MYOT: variants seen among roughly 807,000 people sequenced by gnomAD.
The protein encoded by MYOT is myotilin, also known as 57 kDa cytoskeletal protein.
Under a neutral mutation model 58.0 loss-of-function variants are expected in MYOT, and 36 were observed. The observed-to-expected ratio is 0.62, with a 90% CI of 0.48 to 0.82. The LOEUF (loss-of-function observed/expected upper bound fraction) is 0.82. Among genes scored for constraint, MYOT ranks in the 40% least tolerant of loss-of-function variants. The pLI is 0.00. For synonymous variants in MYOT, 218 were observed against 204.6 expected, an observed-to-expected ratio of 1.07 and a Z score of -0.56; for missense variants, 505 against 592.1, an observed-to-expected ratio of 0.85 and a Z score of 1.53.
Position 137,887,313 on chromosome 5 carries a change from A to G in MYOT, c.1425A>G (p.Gln475=). 6.2e-7 allele frequency: 1 copy of G among 1,614,102 alleles called. No homozygotes were observed. Among genetic ancestry groups the G allele is most frequent in the East Asian group, 2.2e-5 (1 of 44,858 alleles). The part of the protein sequence containing the change: ...ALNGKGLNVK[Q]AFNPEGEFQR... ...ATGGGAAAGGTTTGAATGTAAAACA[A>G]GCTTTTAACCCAGAAGGAGAATTTC... The change falls in exon 10 of 10, where the codon CAA becomes CAG. Residue 475 remains glutamine, a synonymous_variant. Transcript: ENST00000239926.
At chr5:137,880,376 G>C (rs1755387358) in intron 4 of MYOT, among the ~76,000 whole-genome samples, 1 of 152,180 alleles carries the variant, frequency 6.6e-6, no homozygotes, top group Non-Finnish European at 1.5e-5. Flanking sequence ...TCTAATATGT[G>C]TTTACTGCTG....
intron 4 of MYOT, among the ~76,000 whole-genome samples, chr5:137,879,089 C>T (rs1755328094): frequency 6.6e-6 from 1 of 152,046 alleles, no homozygotes; most frequent in Non-Finnish European, 1.5e-5. Flanking sequence ...GTGCGCACAC[C>T]GTGCTGGCTA....
Position 137,880,873 on chromosome 5 carries a change from A to G in MYOT, c.683+8A>G. On this transcript the variant is annotated splice_region_variant and intron_variant, in intron 5 of 9. Coordinates refer to ENST00000239926, the MANE Select transcript of MYOT (RefSeq NM_006790.3). ...TCCTACATCACAAGTAAGGTAAAAA[A>G]TTTTAATTTTAAAGAAATGTATGTT... The G allele has an allele frequency of 1.3e-6, 2 of 1,577,284 alleles. No individual in the cohort carries two copies. The highest frequency in any genetic ancestry group is 1.7e-6 in the Non-Finnish European group (2 of 1,148,964).
At position 137,882,875 on chromosome 5, in the gene MYOT, C is replaced by T. The variant is rs539118476; in HGVS notation, c.817-509C>T. On this transcript the variant is annotated intron_variant, in intron 6 of 9. Transcript: ENST00000239926. Reference sequence around the variant, plus strand: ...ATTTTTTTTCCAGATTCCTTATGAACTCAAGTTAGTGTTAAAGCTTTGGAT... The same window carrying T: ...ATTTTTTTTCCAGATTCCTTATGAATTCAAGTTAGTGTTAAAGCTTTGGAT... 9.9e-4 allele frequency: 153 copies of T among 155,194 alleles called. 2 individuals carry two copies. The highest frequency in any genetic ancestry group is 1.8e-3 in the Non-Finnish European group (127 of 70,152). The allele number at this position is 155,194 out of a possible 1,614,324, so 9.6% of individuals were successfully genotyped here.
intron 5 of MYOT, 80 bp from the exon 6 acceptor site, chr5:137,881,893 T>A (rs2094648632): frequency 5.8e-5 from 85 of 1,465,098 alleles, no homozygotes; most frequent in East Asian, 7.0e-5. Flanking sequence ...AAAAAAAAAA[T>A]TGATGGCTAA....
At chr5:137,874,887 AC>A (rs1755160847) in intron 2 of MYOT, among the ~76,000 whole-genome samples, 1 of 152,212 alleles carries the variant, frequency 6.6e-6, no homozygotes, top group Admixed American at 6.5e-5. Context: ...AAAGTCAATG[AC>A]TGTGTAGACT....
At chr5:137,875,762 TA>T in intron 2 of MYOT, 66 bp from the exon 3 acceptor site, 1 of 1,490,736 alleles carries the variant, frequency 6.7e-7, no homozygotes, top group Non-Finnish European at 9.3e-7. Context: ...TCAACATATC[TA>T]AAGGTAATTT....
chr5:137,886,683 AG>A, intron 8 of MYOT, 180 bp from the exon 9 acceptor site: 1 of 638,720 alleles, frequency 1.6e-6, no homozygotes, highest in Non-Finnish European at 2.9e-6. Context: ...TGAAGAGCAG[AG>A]GGAGACAGCA....
rs548443055 is a variant in MYOT at position 137,881,907 on chromosome 5, A to G, written c.684-66A>G. 2,425 of 1,578,324 alleles carry G rather than the reference A, an allele frequency of 1.5e-3. 2 individuals are homozygous for G. Among genetic ancestry groups the G allele is most frequent in the Non-Finnish European group, 2.0e-3 (2,282 of 1,148,336 alleles). The stretch of plus-strand genomic sequence containing the variant: ...AAAAAAAAAAATTGATGGCTAAACT[A>G]TATTTGTGCAAAATGAAAAGCAATG... On this transcript the variant is annotated intron_variant, in intron 5 of 9. Transcript: ENST00000239926.
chr5:137,876,004 G>C lies in MYOT; in HGVS notation c.531+1G>C. The C allele has an allele frequency of 6.2e-7, 1 of 1,613,984 alleles. No individual in the cohort carries two copies. Among genetic ancestry groups the C allele is most frequent in the Non-Finnish European group, 8.5e-7 (1 of 1,179,934 alleles). On this transcript the variant is annotated splice_donor_variant, in intron 3 of 9. Coordinates refer to ENST00000239926, the MANE Select transcript of MYOT (RefSeq NM_006790.3). LOFTEE classifies it high-confidence loss of function. The stretch of plus-strand genomic sequence containing the variant: ...CACCCTTCTTCATAATGGAAATCAA[G>C]TGGGCAAGATGTCTATTTTGTACAA...
intron 2 of MYOT, among the ~76,000 whole-genome samples, chr5:137,872,682 G>A (rs967649913): frequency 2.0e-5 from 3 of 152,204 alleles, no homozygotes; most frequent in South Asian, 2.1e-4. Flanking sequence ...GCTCCAGTTC[G>A]CCCTGACTTC....
intron 4 of MYOT, among the ~76,000 whole-genome samples, chr5:137,878,812 C>T (rs972574881): frequency 6.6e-6 from 1 of 151,976 alleles, no homozygotes; most frequent in Non-Finnish European, 1.5e-5. Context: ...GAGAGAGAGA[C>T]TCCATCTCAA....
Position 137,887,341 on chromosome 5 carries a change from C to T in MYOT, c.1453C>T (p.Arg485Cys), listed in dbSNP as rs140755418. Residue 485 changes from arginine (R) to cysteine (C), a missense_variant, in exon 10 of 10, where the codon CGT becomes TGT. Arg to Cys is a radical substitution (Grantham distance 180). Coordinates refer to ENST00000239926, the MANE Select transcript of MYOT (RefSeq NM_006790.3). ...QAFNPEGEFQRLAAQSGLYES... is the reference protein window; with the variant it reads ...QAFNPEGEFQCLAAQSGLYES... ...TTTTAACCCAGAAGGAGAATTTCAGCGTTTGGCAGCTCAATCTGGACTCTA... is the reference window on the plus strand; with the variant it reads ...TTTTAACCCAGAAGGAGAATTTCAGTGTTTGGCAGCTCAATCTGGACTCTA... The T allele has an allele frequency of 5.2e-5, 84 of 1,613,832 alleles. No homozygotes were observed. Among genetic ancestry groups the T allele is most frequent in the African/African-American group, 2.3e-4 (17 of 74,914 alleles).
chr5:137,879,564 A>AC (rs1755350534), intron 4 of MYOT, among the ~76,000 whole-genome samples: 1 of 120,422 alleles, frequency 8.3e-6, no homozygotes, highest in Non-Finnish European at 1.6e-5. Context: ...TTGCTCTGTC[A>AC]CCCAGGCTGG....
intron 4 of MYOT, 139 bp downstream of exon 4, chr5:137,877,760 TAAAC>T (rs1191892628): frequency 2.9e-6 from 2 of 681,384 alleles, no homozygotes; most frequent in East Asian, 5.5e-5. Flanking sequence ...GAGGCCATGA[TAAAC>T]ATATATACAT....
chr5:137,869,117 A>G (rs1313587910), intron 1 of MYOT, among the ~76,000 whole-genome samples: 1 of 152,160 alleles, frequency 6.6e-6, no homozygotes, highest in Non-Finnish European at 1.5e-5. Flanking sequence ...TTTGGTCTGG[A>G]AAAGTTTTAT....
At chr5:137,877,068 A>T (rs1204129458) in intron 3 of MYOT, among the ~76,000 whole-genome samples, 1 of 145,646 alleles carries the variant, frequency 6.9e-6, no homozygotes, top group Non-Finnish European at 1.5e-5. Context: ...AAAGACTTTA[A>T]AAAAAAAAAA....
intron 7 of MYOT, 93 bp from the exon 8 acceptor site, chr5:137,885,955 T>C (rs1755587228): frequency 6.0e-6 from 5 of 831,824 alleles, no homozygotes; most frequent in African/African-American, 3.5e-5. Context: ...TTTAACATTT[T>C]AATATCAACA....
intron 7 of MYOT, among the ~76,000 whole-genome samples, chr5:137,885,675 G>A (rs1418827199): frequency 1.3e-5 from 2 of 150,624 alleles, no homozygotes; most frequent in Non-Finnish European, 2.9e-5. Flanking sequence ...AGGAGGCTGT[G>A]GCAGGAGACT....
Sources: allele counts gnomAD v4.1 joint callset (sites outside exome capture counted in the v4.1 genomes callset), GRCh38; gene constraint gnomAD v4.1.1; transcripts MANE v1.5; gene names NCBI Gene and HGNC (gene_info 2026-07-23, HGNC 2026-07-21).